The following HECW1 variants were observed in gnomAD, a reference collection of about 807,000 sequenced individuals.
HECW1 encodes the protein HECT, C2 and WW domain containing E3 ubiquitin protein ligase 1, also known as E3 ubiquitin-protein ligase HECW1.
In HECW1, 61 loss-of-function variants were observed where a neutral mutation model predicts 182.3. The ratio of observed to expected loss-of-function variants is 0.33; its 90% CI spans 0.27 to 0.41. HECW1 has a LOEUF of 0.41. HECW1 is among the 10% of genes least tolerant of loss of function. The probability of loss-of-function intolerance (pLI) is 1.00; values close to 1 mark genes in which losing one functional copy is unlikely to be tolerated. For missense variants in HECW1, 1,739 were observed against 2,108.9 expected, an observed-to-expected ratio of 0.82 and a Z score of 3.44; for synonymous variants, 859 against 832.6, an observed-to-expected ratio of 1.03 and a Z score of -0.55.
intron 6 of HECW1, among the ~76,000 whole-genome samples, chr7:43,390,949 G>A (rs1426762479): frequency 6.6e-6 from 1 of 151,976 alleles, no homozygotes; most frequent in Non-Finnish European, 1.5e-5. Flanking sequence ...ATTCTTAACA[G>A]GACCCTTTTA....
intron 2 of HECW1, among the ~76,000 whole-genome samples, chr7:43,192,715 TA>T (rs987932596): frequency 1.3e-5 from 2 of 152,230 alleles, no homozygotes; most frequent in Non-Finnish European, 2.9e-5. Flanking sequence ...TGGTATACTT[TA>T]TTTTTTAGAT....
intron 5 of HECW1, among the ~76,000 whole-genome samples, chr7:43,339,966 G>A (rs1241050695): frequency 6.6e-6 from 1 of 151,832 alleles, no homozygotes; most frequent in Non-Finnish European, 1.5e-5. Flanking sequence ...GAATGTCTGA[G>A]GGGAAACCAG....
At chr7:43,442,734 T>C in intron 10 of HECW1, 105 bp downstream of exon 10, 1 of 803,066 alleles carries the variant, frequency 1.2e-6, no homozygotes. Context: ...GTATCCTAGG[T>C]TTTGTGGTTA....
intron 3 of HECW1, among the ~76,000 whole-genome samples, chr7:43,293,447 G>T (rs943204001): frequency 2.6e-5 from 4 of 152,250 alleles, no homozygotes; most frequent in African/African-American, 7.2e-5. Context: ...CCCATCTGCA[G>T]TGCAGACAAG....
At chr7:43,528,052 T>C (rs1191816343) in intron 24 of HECW1, among the ~76,000 whole-genome samples, 1 of 130,792 alleles carries the variant, frequency 7.6e-6, no homozygotes, top group East Asian at 2.7e-4. Flanking sequence ...TTTTGGTCCA[T>C]TAATTAACTA....
chr7:43,405,556 G>A lies in HECW1; in HGVS notation c.632-2006G>A, dbSNP rs117930106. On this transcript the variant is annotated intron_variant, in intron 7 of 29. Coordinates refer to ENST00000395891, the MANE Select transcript of HECW1 (RefSeq NM_015052.5). ...TGCTGTCTACCAGGGAAGCTTCTTA[G>A]AGACTTGAGACTGGGTTTCTACTAG... is the stretch of plus-strand genomic sequence containing the variant. 8.1e-3 allele frequency among the ~76,000 whole-genome samples: 1,233 copies of A among 152,268 alleles called. 6 individuals are homozygous for A. Among genetic ancestry groups the A allele is most frequent in the South Asian group, 0.013 (64 of 4,822 alleles).
intron 28 of HECW1, among the ~76,000 whole-genome samples, chr7:43,553,994 A>C (rs1005785724): frequency 2.6e-5 from 4 of 152,200 alleles, no homozygotes; most frequent in Admixed American, 1.3e-4. Flanking sequence ...TTTAATTGAT[A>C]TATCCAAGCA....
At chr7:43,297,590 A>C (rs1011034699) in intron 3 of HECW1, among the ~76,000 whole-genome samples, 1 of 152,214 alleles carries the variant, frequency 6.6e-6, no homozygotes, top group Non-Finnish European at 1.5e-5. Flanking sequence ...AGGATCCATC[A>C]TGCCTCCGCT....
chr7:43,396,916 T>A (rs2075250835), intron 7 of HECW1, 27 bp downstream of exon 7: 24 of 1,532,672 alleles, frequency 1.6e-5, no homozygotes, highest in Non-Finnish European at 2.2e-5. Flanking sequence ...TGAGACTTTG[T>A]GGAGAGACTA....
chr7:43,230,812 G>A (rs1054432237), intron 2 of HECW1, among the ~76,000 whole-genome samples: 18 of 152,168 alleles, frequency 1.2e-4, no homozygotes, highest in Non-Finnish European at 1.9e-4. Context: ...TGGAGAATCT[G>A]AGTGAAATAT....
intron 8 of HECW1, among the ~76,000 whole-genome samples, chr7:43,415,022 A>T (rs1173046445): frequency 2.0e-5 from 3 of 151,558 alleles, no homozygotes; most frequent in African/African-American, 7.3e-5. Flanking sequence ...CATTTAGCCC[A>T]TTTACATTTA....
chr7:43,486,249 T>G (rs1365558358), intron 17 of HECW1, among the ~76,000 whole-genome samples: 2 of 152,214 alleles, frequency 1.3e-5, no homozygotes, highest in Admixed American at 6.5e-5. Flanking sequence ...TGCCACATTT[T>G]CTTTATCCAG....
At position 43,395,002 on chromosome 7, in the gene HECW1, G is replaced by A. The variant is rs1166920050; in HGVS notation, c.556-1812G>A. ...AGTCGGAGCTGTCTTCTTGCAGTGG[G>A]TCAGTTCCTGGGTGGGGGCCACAAA... is the stretch of plus-strand genomic sequence containing the variant. On this transcript the variant is annotated intron_variant, in intron 6 of 29. Coordinates refer to ENST00000395891, the MANE Select transcript of HECW1 (RefSeq NM_015052.5). Among the ~76,000 whole-genome samples the A allele has an allele frequency of 3.3e-5, 5 of 150,202 alleles. No homozygotes were observed. In the Admixed American group the frequency reaches 3.3e-4, roughly 10 times the overall value.
chr7:43,398,464 A>AT (rs1217670314), intron 7 of HECW1, among the ~76,000 whole-genome samples: 2 of 152,178 alleles, frequency 1.3e-5, no homozygotes, highest in East Asian at 3.9e-4. Context: ...CAGATGTTGC[A>AT]GGCCATGAAT....
At chr7:43,412,777 A>C (rs986130171) in intron 8 of HECW1, among the ~76,000 whole-genome samples, 1 of 151,652 alleles carries the variant, frequency 6.6e-6, no homozygotes, top group African/African-American at 2.4e-5. Context: ...TACAAAGGAC[A>C]TGAACTCATC....
At chr7:43,446,567 G>A (rs911326420) in intron 11 of HECW1, among the ~76,000 whole-genome samples, 1 of 152,164 alleles carries the variant, frequency 6.6e-6, no homozygotes, top group African/African-American at 2.4e-5. Context: ...AAGGGCCAGA[G>A]TTGTGTTTCT....
chr7:43,332,000 G>A (rs1314954723), intron 5 of HECW1, among the ~76,000 whole-genome samples: 2 of 152,292 alleles, frequency 1.3e-5, no homozygotes, highest in Non-Finnish European at 2.9e-5. Context: ...CTGGCTAGGG[G>A]TGGGATGACC....
At chr7:43,551,732 G>A (rs1324600572) in intron 27 of HECW1, among the ~76,000 whole-genome samples, 2 of 152,256 alleles carry the variant, frequency 1.3e-5, no homozygotes, top group South Asian at 2.1e-4. Flanking sequence ...AATGATCATC[G>A]TTCAAGCTGC....
At chr7:43,230,980 G>A (rs1244815371) in intron 2 of HECW1, among the ~76,000 whole-genome samples, 1 of 152,170 alleles carries the variant, frequency 6.6e-6, no homozygotes, top group African/African-American at 2.4e-5. Flanking sequence ...AGTTTGACAT[G>A]CCTTTTTCAA....
Sources: gnomAD v4.1 joint callset for allele counts (sites outside exome capture counted in the v4.1 genomes callset) on GRCh38, gnomAD v4.1.1 for gene constraint, MANE v1.5 for transcripts, NCBI Gene and HGNC (gene_info 2026-07-23, HGNC 2026-07-21) for gene names.